The following HS3ST4 variants were observed in gnomAD, a reference collection of about 807,000 sequenced individuals.
HS3ST4 encodes heparan sulfate-glucosamine 3-sulfotransferase 4.
In HS3ST4, 17 loss-of-function variants were observed where a neutral mutation model predicts 29.2. That is an observed-to-expected ratio of 0.58 (90% CI 0.40 to 0.87). HS3ST4 has a LOEUF of 0.87. Among genes scored for constraint, HS3ST4 ranks in the 40% least tolerant of loss-of-function variants. HS3ST4 has a pLI of 0.00. For synonymous variants in HS3ST4, 314 were observed against 285.7 expected (o/e 1.10, Z -1.00); for missense variants, 627 against 634.5 (o/e 0.99, Z 0.13).
chr16:25,958,072 A>G lies in HS3ST4; in HGVS notation c.735-177540A>G, dbSNP rs565327557. On this transcript the variant is annotated intron_variant, in intron 1 of 1. Coordinates refer to ENST00000331351, the MANE Select transcript of HS3ST4 (RefSeq NM_006040.3). The stretch of plus-strand genomic sequence containing the variant: ...TTCTTTCCACTAGGATTCTTTGCAT[A>G]CCTACTGTGTGCCAACCACTGTTCT... Among the ~76,000 whole-genome samples the G allele has an allele frequency of 3.9e-5, 6 of 152,264 alleles. No homozygotes were observed. The East Asian group carries it at 1.2e-3, about 29-fold the overall frequency.
rs1337435037 is a variant in HS3ST4 at position 25,692,702 on chromosome 16, G to T, written c.285G>T (p.Ser95=). The T allele has an allele frequency of 1.2e-5, 15 of 1,225,974 alleles. No individual in the cohort carries two copies. The highest frequency in any genetic ancestry group is 4.0e-5 in the Admixed American group (1 of 24,700). The allele number at this position is 1,225,974 out of a possible 1,614,324, so 75.9% of individuals were successfully genotyped here. The change falls in exon 1 of 2, where the codon TCG becomes TCT. Residue 95 remains serine (S), a synonymous_variant. Coordinates refer to ENST00000331351, the MANE Select transcript of HS3ST4 (RefSeq NM_006040.3). ...LPTPVRLGAP[S]QPPAPPPLDN... ...CCCCCGTGCGCCTCGGCGCCCCCTC[G>T]CAGCCGCCCGCGCCGCCGCCGCTGG...
chr16:26,097,628 C>A (rs1898942035), intron 1 of HS3ST4, among the ~76,000 whole-genome samples: 1 of 152,132 alleles, frequency 6.6e-6, no homozygotes, highest in Admixed American at 6.5e-5. Flanking sequence ...ACTGTAGAAA[C>A]CCTAGAAGCA....
chr16:26,127,842 C>G (rs558885246), intron 1 of HS3ST4, among the ~76,000 whole-genome samples: 22 of 152,350 alleles, frequency 1.4e-4, no homozygotes, highest in Non-Finnish European at 2.5e-4. Context: ...ACCTGCCTGG[C>G]ACAAACTTTA....
At chr16:26,027,253 C>G (rs1172800915) in intron 1 of HS3ST4, among the ~76,000 whole-genome samples, 1 of 152,170 alleles carries the variant, frequency 6.6e-6, no homozygotes, top group Non-Finnish European at 1.5e-5. Flanking sequence ...CTATGGTTCT[C>G]ATTGGCCAGT....
chr16:25,853,265 T>C (rs1217143806), intron 1 of HS3ST4, among the ~76,000 whole-genome samples: 2 of 151,858 alleles, frequency 1.3e-5, no homozygotes, highest in African/African-American at 2.4e-5. Context: ...TTTTCATTAG[T>C]TCTGACAGAT....
At chr16:25,858,404 A>AAGAT (rs1172292235) in intron 1 of HS3ST4, among the ~76,000 whole-genome samples, 1 of 152,188 alleles carries the variant, frequency 6.6e-6, no homozygotes, top group East Asian at 1.9e-4. Context: ...TTAGCTGATA[A>AAGAT]AGATCTAGCT....
intron 1 of HS3ST4, among the ~76,000 whole-genome samples, chr16:26,087,996 T>G (rs1307191995): frequency 6.6e-6 from 1 of 152,188 alleles, no homozygotes; most frequent in Non-Finnish European, 1.5e-5. Flanking sequence ...CATCCCCAAT[T>G]GCTTAAAAGC....
At chr16:25,987,014 T>G (rs539144987) in intron 1 of HS3ST4, among the ~76,000 whole-genome samples, 1 of 152,320 alleles carries the variant, frequency 6.6e-6, no homozygotes, top group Admixed American at 6.5e-5. Context: ...GACTTCACAT[T>G]GATGGATGTC....
chr16:26,047,977 T>A (rs1488955802), intron 1 of HS3ST4, among the ~76,000 whole-genome samples: 1 of 152,160 alleles, frequency 6.6e-6, no homozygotes, highest in African/African-American at 2.4e-5. Context: ...TCCAACCAGA[T>A]GTGAGGCAAT....
intron 1 of HS3ST4, among the ~76,000 whole-genome samples, chr16:26,093,248 A>G (rs555430477): frequency 2.0e-5 from 3 of 152,322 alleles, no homozygotes; most frequent in African/African-American, 7.2e-5. Context: ...TTCTCCCAAC[A>G]TGGCGTTTGA....
chr16:26,045,009 A>G (rs1898248380), intron 1 of HS3ST4, among the ~76,000 whole-genome samples: 2 of 152,152 alleles, frequency 1.3e-5, no homozygotes, highest in Non-Finnish European at 2.9e-5. Flanking sequence ...CTGTGCAACC[A>G]TGATCCTGCA....
At chr16:26,090,892 G>T (rs1167306965) in intron 1 of HS3ST4, among the ~76,000 whole-genome samples, 1 of 152,182 alleles carries the variant, frequency 6.6e-6, no homozygotes, top group Non-Finnish European at 1.5e-5. Flanking sequence ...AGAATGAGGT[G>T]CATGCCTGAC....
At chr16:25,967,966 A>C (rs2141705007) in intron 1 of HS3ST4, among the ~76,000 whole-genome samples, 1 of 152,346 alleles carries the variant, frequency 6.6e-6, no homozygotes, top group East Asian at 1.9e-4. Flanking sequence ...AGATGGGATA[A>C]GACTAATGTC....
chr16:25,975,043 TTACATCCAGTGA>T (rs1486036215), intron 1 of HS3ST4, among the ~76,000 whole-genome samples: 1 of 152,080 alleles, frequency 6.6e-6, no homozygotes, highest in African/African-American at 2.4e-5. Flanking sequence ...CTCTTACCAT[TTACATCCAGTGA>T]TACATCAGCA....
At chr16:25,984,324 T>G (rs554321414) in intron 1 of HS3ST4, among the ~76,000 whole-genome samples, 1 of 152,236 alleles carries the variant, frequency 6.6e-6, no homozygotes, top group African/African-American at 2.4e-5. Context: ...GGCATTAGAT[T>G]CTCATAAGGA....
chr16:25,764,775 T>C (rs1966807558), intron 1 of HS3ST4, among the ~76,000 whole-genome samples: 1 of 152,238 alleles, frequency 6.6e-6, no homozygotes. Flanking sequence ...GGTTCTTTTT[T>C]GCACCCTGCC....
At chr16:26,040,090 G>A (rs967599725) in intron 1 of HS3ST4, among the ~76,000 whole-genome samples, 24 of 152,236 alleles carry the variant, frequency 1.6e-4, no homozygotes, top group East Asian at 5.8e-4. Context: ...TCGCATGAAC[G>A]CACAATATTT....
chr16:26,027,357 A>G (rs1969486962), intron 1 of HS3ST4, among the ~76,000 whole-genome samples: 1 of 152,166 alleles, frequency 6.6e-6, no homozygotes, highest in South Asian at 2.1e-4. Flanking sequence ...AACTACTTAC[A>G]TTCCATCTTA....
chr16:25,753,374 C>A (rs1395255302), intron 1 of HS3ST4, among the ~76,000 whole-genome samples: 2 of 152,186 alleles, frequency 1.3e-5, no homozygotes, highest in Non-Finnish European at 2.9e-5. Context: ...TGATATCTTT[C>A]TTTCATAGTC....
Sources: allele counts gnomAD v4.1 joint callset (sites outside exome capture counted in the v4.1 genomes callset), GRCh38; gene constraint gnomAD v4.1.1; transcripts MANE v1.5; gene names NCBI Gene and HGNC (gene_info 2026-07-23, HGNC 2026-07-21).